DAPL1: variants seen among roughly 807,000 people sequenced by gnomAD.
The protein encoded by DAPL1 is death associated protein like 1.
Under a neutral mutation model 12.9 loss-of-function variants are expected in DAPL1, and 17 were observed. That is an observed-to-expected ratio of 1.32 (90% CI 0.90 to 1.98). The LOEUF (loss-of-function observed/expected upper bound fraction) is 1.98. Among genes scored for constraint, DAPL1 ranks in the 30% most tolerant of loss-of-function variants. DAPL1 has a pLI of 0.00. For synonymous variants in DAPL1, 51 were observed against 42.0 expected (o/e 1.21, Z -0.82); for missense variants, 157 against 125.7 (o/e 1.25, Z -1.19).
intron 3 of DAPL1, among the ~76,000 whole-genome samples, chr2:158,810,249 G>C (rs2059223371): frequency 6.6e-6 from 1 of 152,002 alleles, no homozygotes; most frequent in Admixed American, 6.6e-5. Flanking sequence ...CATTTTTCCT[G>C]CACTACAATG....
rs747146909 is a variant in DAPL1 at position 158,804,285 on chromosome 2, A to T, written c.62A>T (p.Lys21Ile). The T allele has an allele frequency of 1.3e-4, 206 of 1,606,110 alleles. No homozygotes were observed. Among genetic ancestry groups the T allele is most frequent in the Non-Finnish European group, 1.7e-4 (195 of 1,175,106 alleles). ...GCTGATTTTTATCTGTTTGTAGTAAAAGCTGGAGGAATGAGAATTTCCAAA... is the reference window on the plus strand; with the variant it reads ...GCTGATTTTTATCTGTTTGTAGTAATAGCTGGAGGAATGAGAATTTCCAAA... Reference protein sequence around the residue: ...PRKGGHPPAVKAGGMRISKKQ... With the variant: ...PRKGGHPPAVIAGGMRISKKQ... Residue 21 changes from lysine (K) to isoleucine (I), a missense_variant, in exon 2 of 4, where the codon AAA (lysine) becomes ATA (isoleucine). Lys to Ile is a moderately radical substitution (Grantham distance 102, BLOSUM62 -3). Coordinates refer to ENST00000309950, the MANE Select transcript of DAPL1 (RefSeq NM_001017920.3).
At chr2:158,799,319 C>A (rs568021589) in intron 1 of DAPL1, among the ~76,000 whole-genome samples, 1 of 152,280 alleles carries the variant, frequency 6.6e-6, no homozygotes, top group East Asian at 1.9e-4. Context: ...TCCAATTGAT[C>A]TTTCTGCAAA....
chr2:158,812,140 C>T (rs796261892), intron 3 of DAPL1, among the ~76,000 whole-genome samples: 1 of 152,178 alleles, frequency 6.6e-6, no homozygotes, highest in African/African-American at 2.4e-5. Flanking sequence ...GCTATGAAAC[C>T]CTGCTCTGGG....
chr2:158,813,267 G>C (rs538032726), intron 3 of DAPL1, among the ~76,000 whole-genome samples: 1 of 152,130 alleles, frequency 6.6e-6, no homozygotes, highest in African/African-American at 2.4e-5. Flanking sequence ...AATTGGTACC[G>C]AGTCTCAGTT....
Position 158,808,830 on chromosome 2 carries a change from G to A in DAPL1, c.207+1715G>A, listed in dbSNP as rs547353114. 6.4e-4 allele frequency among the ~76,000 whole-genome samples: 97 copies of A among 152,262 alleles called. 1 individual carries two copies. In the South Asian group the frequency reaches 7.2e-3, roughly 11 times the overall value. ...GTTCCCCTAAAATATTTGTTAACTC[G>A]AAATAAAGTATTGAAAAGGAATGGT... On this transcript the variant is annotated intron_variant, in intron 3 of 3. Coordinates refer to ENST00000309950, the MANE Select transcript of DAPL1 (RefSeq NM_001017920.3).
rs764657773 is a variant in DAPL1, at chr2:158,815,860, G to A, written c.*39G>A. 16 of 1,441,972 alleles carry A rather than the reference G, an allele frequency of 1.1e-5. No homozygotes were observed. The highest frequency in any genetic ancestry group is 5.6e-5 in the African/African-American group (4 of 71,796). The allele number at this position is 1,441,972 out of a possible 1,614,324, so 89.3% of individuals were successfully genotyped here. ...ACACAGCCGTCTGGCCAGCTGCCTCGAATATCTGACAGCTTAGCAAAAAGG... is the reference window on the plus strand; with the variant it reads ...ACACAGCCGTCTGGCCAGCTGCCTCAAATATCTGACAGCTTAGCAAAAAGG... On this transcript the variant is annotated 3_prime_UTR_variant, in exon 4 of 4. Transcript: ENST00000309950.
chr2:158,802,147 A>G (rs559486394), intron 1 of DAPL1, among the ~76,000 whole-genome samples: 1 of 152,352 alleles, frequency 6.6e-6, no homozygotes, highest in African/African-American at 2.4e-5. Context: ...AACTGTCATC[A>G]TGGCTGGTGA....
intron 2 of DAPL1, among the ~76,000 whole-genome samples, chr2:158,806,773 T>G (rs894936069): frequency 3.3e-5 from 5 of 151,438 alleles, no homozygotes; most frequent in Non-Finnish European, 5.9e-5. Flanking sequence ...GAGGCAGAGG[T>G]TGCAGTGAGC....
chr2:158,807,379 T>C (rs1435842466), intron 3 of DAPL1, among the ~76,000 whole-genome samples: 1 of 152,220 alleles, frequency 6.6e-6, no homozygotes, highest in Non-Finnish European at 1.5e-5. Flanking sequence ...GTTTGCAGAA[T>C]GGTACTTTGC....
At chr2:158,815,135 G>T (rs907488940) in intron 3 of DAPL1, among the ~76,000 whole-genome samples, 6 of 152,140 alleles carry the variant, frequency 3.9e-5, no homozygotes, top group Non-Finnish European at 4.4e-5. Flanking sequence ...CAGAACTTTT[G>T]TTCCCTGAGG....
intron 1 of DAPL1, 118 bp downstream of exon 1, chr2:158,795,548 C>T (rs1157413379): frequency 3.2e-6 from 3 of 937,364 alleles, no homozygotes; most frequent in Middle Eastern, 2.1e-4. Flanking sequence ...ATGACTTTAA[C>T]TCCATGCAGC....
intron 1 of DAPL1, among the ~76,000 whole-genome samples, chr2:158,796,349 T>C (rs1159463377): frequency 6.6e-6 from 1 of 152,210 alleles, no homozygotes; most frequent in East Asian, 1.9e-4. Flanking sequence ...GCGGGTATTG[T>C]CTTCACAGAG....
chr2:158,809,136 G>A (rs909508051), intron 3 of DAPL1, among the ~76,000 whole-genome samples: 6 of 151,868 alleles, frequency 4.0e-5, no homozygotes, highest in East Asian at 1.9e-4. Context: ...TGATGTGGGC[G>A]GATCACAAGT....
chr2:158,809,547 T>G (rs1291177310), intron 3 of DAPL1, among the ~76,000 whole-genome samples: 1 of 152,120 alleles, frequency 6.6e-6, no homozygotes. Flanking sequence ...ACTAGCTTTT[T>G]GTCCTGGGGC....
At chr2:158,808,517 G>T (rs2059213732) in intron 3 of DAPL1, among the ~76,000 whole-genome samples, 1 of 152,182 alleles carries the variant, frequency 6.6e-6, no homozygotes. Context: ...TATATCTAAA[G>T]TCCATGATGT....
intron 1 of DAPL1, among the ~76,000 whole-genome samples, chr2:158,799,936 C>T (rs377349990): frequency 6.6e-4 from 101 of 151,976 alleles, no homozygotes; most frequent in African/African-American, 2.0e-3. Context: ...TGGTGGCGGG[C>T]ACCTGTAGTC....
At chr2:158,805,027 G>A (rs115509295) in intron 2 of DAPL1, among the ~76,000 whole-genome samples, 4,245 of 152,196 alleles carry the variant, frequency 0.028, 88 homozygotes, top group Middle Eastern at 0.12. Context: ...CAAGAAACAC[G>A]CAGAACTGTT....
chr2:158,803,671 G>A, intron 1 of DAPL1, among the ~76,000 whole-genome samples: 1 of 152,206 alleles, frequency 6.6e-6, no homozygotes, highest in East Asian at 1.9e-4. Flanking sequence ...TGAATGGCAG[G>A]ATTATTAATG....
chr2:158,812,002 A>G (rs1198079948), intron 3 of DAPL1, among the ~76,000 whole-genome samples: 1 of 152,226 alleles, frequency 6.6e-6, no homozygotes, highest in Non-Finnish European at 1.5e-5. Context: ...AGTTTCATCA[A>G]TTCTGATGAA....
Sources: gnomAD v4.1 joint callset for allele counts (sites outside exome capture counted in the v4.1 genomes callset) on GRCh38, gnomAD v4.1.1 for gene constraint, MANE v1.5 for transcripts, NCBI Gene and HGNC (gene_info 2026-07-23, HGNC 2026-07-21) for gene names.